Variants in CACNA2D3 observed in about 807,000 individuals in gnomAD.
CACNA2D3 encodes calcium voltage-gated channel auxiliary subunit alpha2delta 3.
A neutral mutation model predicts 160.6 loss-of-function variants in CACNA2D3; 60 were observed. The ratio of observed to expected loss-of-function variants is 0.37; its 90% CI spans 0.30 to 0.46. CACNA2D3 has a LOEUF of 0.46. CACNA2D3 is among the 20% of genes least tolerant of loss of function. CACNA2D3 has a pLI of 1.00. For missense variants in CACNA2D3, 1,205 were observed against 1,365.0 expected (o/e 0.88, Z 1.85); for synonymous variants, 558 against 492.9 (o/e 1.13, Z -1.75).
intron 3 of CACNA2D3, among the ~76,000 whole-genome samples, chr3:54,343,072 A>G (rs1034606610): frequency 6.6e-6 from 1 of 152,240 alleles, no homozygotes; most frequent in Non-Finnish European, 1.5e-5. Context: ...CCTTTCTTCA[A>G]TAGTGAGCAG....
At chr3:55,009,079 A>G (rs1334996409) in intron 33 of CACNA2D3, among the ~76,000 whole-genome samples, 1 of 152,234 alleles carries the variant, frequency 6.6e-6, no homozygotes, top group East Asian at 1.9e-4. Context: ...GTGGAATCAA[A>G]CTAGATGATA....
chr3:54,325,119 A>G (rs73081641), intron 3 of CACNA2D3, among the ~76,000 whole-genome samples: 26 of 152,262 alleles, frequency 1.7e-4, no homozygotes, highest in African/African-American at 2.2e-4. Context: ...AGCACAAACT[A>G]TCAATCAACT....
intron 2 of CACNA2D3, among the ~76,000 whole-genome samples, chr3:54,251,410 T>C (rs1007734876): frequency 2.0e-5 from 3 of 152,218 alleles, no homozygotes; most frequent in African/African-American, 4.8e-5. Flanking sequence ...AACAAGTATA[T>C]CTGTATAACT....
chr3:54,688,265 A>G (rs920883396), intron 11 of CACNA2D3, among the ~76,000 whole-genome samples: 1 of 152,158 alleles, frequency 6.6e-6, no homozygotes, highest in African/African-American at 2.4e-5. Context: ...CAAATTACCT[A>G]CTGATATTAG....
intron 11 of CACNA2D3, among the ~76,000 whole-genome samples, chr3:54,728,863 A>G (rs1308612566): frequency 1.3e-5 from 2 of 152,136 alleles, no homozygotes; most frequent in African/African-American, 4.8e-5. Context: ...CCACCATTTT[A>G]TGATGGTCAG....
At chr3:54,605,522 C>A (rs892759686) in intron 9 of CACNA2D3, among the ~76,000 whole-genome samples, 1 of 152,182 alleles carries the variant, frequency 6.6e-6, no homozygotes, top group Non-Finnish European at 1.5e-5. Context: ...CCCTGACCAC[C>A]CAACCACAGC....
intron 35 of CACNA2D3, among the ~76,000 whole-genome samples, chr3:55,050,789 G>T (rs1704183447): frequency 7.7e-6 from 1 of 129,776 alleles, no homozygotes; most frequent in Admixed American, 7.1e-5. Flanking sequence ...ATTTCTTGGA[G>T]GCTTTGCTCA....
intron 27 of CACNA2D3, chr3:54,918,704 C>A: frequency 6.2e-7 from 1 of 1,614,132 alleles, no homozygotes; most frequent in Non-Finnish European, 8.5e-7. Context: ...AGTTCTCGCT[C>A]CCCCGCGTTG....
At chr3:54,131,447 A>T (rs1267309088) in intron 2 of CACNA2D3, among the ~76,000 whole-genome samples, 1 of 152,240 alleles carries the variant, frequency 6.6e-6, no homozygotes, top group Middle Eastern at 3.2e-3. Flanking sequence ...AGATCCCAGC[A>T]TACCCAGCCA....
At chr3:54,226,312 CTTTT>C (rs10677482) in intron 2 of CACNA2D3, among the ~76,000 whole-genome samples, 1 of 106,910 alleles carries the variant, frequency 9.4e-6, no homozygotes, top group Non-Finnish European at 1.8e-5. Flanking sequence ...GCCCCTGATG[CTTTT>C]TTTTTTTTTT....
chr3:54,296,234 C>G (rs1438729303), intron 2 of CACNA2D3, among the ~76,000 whole-genome samples: 2 of 152,160 alleles, frequency 1.3e-5, no homozygotes, highest in South Asian at 4.1e-4. Context: ...TCAGTAGATT[C>G]CAGTGAAGTC....
intron 4 of CACNA2D3, among the ~76,000 whole-genome samples, chr3:54,465,152 T>C (rs1480273829): frequency 6.6e-6 from 1 of 152,028 alleles, no homozygotes; most frequent in Non-Finnish European, 1.5e-5. Context: ...CAAATTCAGT[T>C]GCATTTTTAT....
At chr3:54,452,443 C>T (rs9654001) in intron 4 of CACNA2D3, among the ~76,000 whole-genome samples, 71,059 of 152,096 alleles carry the variant, frequency 0.47, 17,410 homozygotes, top group East Asian at 0.61. Flanking sequence ...AACCATATCA[C>T]ATGTGTCTTC....
At chr3:54,359,932 G>C (rs556281556) in intron 3 of CACNA2D3, among the ~76,000 whole-genome samples, 127 of 152,288 alleles carry the variant, frequency 8.3e-4, no homozygotes, top group Admixed American at 2.0e-3. Context: ...TAGAGATTCT[G>C]TTGGCAGGTG....
intron 4 of CACNA2D3, among the ~76,000 whole-genome samples, chr3:54,459,598 C>T (rs1330873732): frequency 9.9e-5 from 15 of 151,996 alleles, no homozygotes; most frequent in South Asian, 2.1e-4. Context: ...TCATATCCTT[C>T]GCCCACTTTC....
At chr3:54,822,742 C>CTT (rs1703638164) in intron 14 of CACNA2D3, among the ~76,000 whole-genome samples, 1 of 55,230 alleles carries the variant, frequency 1.8e-5, no homozygotes, top group African/African-American at 8.2e-5. Context: ...TTCTTTCTTT[C>CTT]TTTCTTTCTT....
intron 11 of CACNA2D3, among the ~76,000 whole-genome samples, chr3:54,643,609 T>A (rs766215503): frequency 2.0e-5 from 3 of 152,224 alleles, no homozygotes; most frequent in Non-Finnish European, 4.4e-5. Context: ...AGGTTCACTC[T>A]TAGACAGGGT....
chr3:54,819,709 G>A (rs1180767504), intron 14 of CACNA2D3, among the ~76,000 whole-genome samples: 1 of 152,098 alleles, frequency 6.6e-6, no homozygotes, highest in Non-Finnish European at 1.5e-5. Flanking sequence ...GCCGGGCGTG[G>A]TGGCGCACAC....
chr3:54,141,086 TGCGCGC>T (rs3060362), intron 2 of CACNA2D3, among the ~76,000 whole-genome samples: 1,557 of 119,782 alleles, frequency 0.013, 20 homozygotes, highest in African/African-American at 0.031. Context: ...TGTGTGTGTG[TGCGCGC>T]GCGCGCGTGT....
Sources: allele counts gnomAD v4.1 joint callset (sites outside exome capture counted in the v4.1 genomes callset), GRCh38; gene constraint gnomAD v4.1.1; transcripts MANE v1.5; gene names NCBI Gene and HGNC (gene_info 2026-07-23, HGNC 2026-07-21).